Variants in KSR2 observed in about 807,000 individuals in gnomAD.
The protein encoded by KSR2 is kinase suppressor of ras 2.
Under a neutral mutation model 107.8 loss-of-function variants are expected in KSR2, and 25 were observed. That is an observed-to-expected ratio of 0.23 (90% CI 0.17 to 0.32). The LOEUF (loss-of-function observed/expected upper bound fraction) is 0.32, where lower values mean the gene tolerates loss of function less well. KSR2 is among the 10% of genes least tolerant of loss of function. The pLI, the probability that KSR2 is intolerant of heterozygous loss-of-function variation, is 1.00. For synonymous variants in KSR2, 480 were observed against 507.0 expected (o/e 0.95, Z 0.71); for missense variants, 887 against 1,268.9 (o/e 0.70, Z 4.57).
chr12:117,787,944 C>T (rs111282166), intron 3 of KSR2, among the ~76,000 whole-genome samples: 130 of 152,230 alleles, frequency 8.5e-4, no homozygotes, highest in African/African-American at 3.0e-3. Flanking sequence ...TGAAACTGTA[C>T]GTGGGAAATA....
chr12:117,693,818 G>A (rs1885933394), intron 4 of KSR2, among the ~76,000 whole-genome samples: 1 of 152,130 alleles, frequency 6.6e-6, no homozygotes. Context: ...GGCTCACAGG[G>A]GAGACTCATT....
At chr12:117,759,465 T>A (rs545837918) in intron 4 of KSR2, among the ~76,000 whole-genome samples, 1 of 152,252 alleles carries the variant, frequency 6.6e-6, no homozygotes, top group Non-Finnish European at 1.5e-5. Context: ...CCTGCCTTTT[T>A]AAAATGGTGA....
chr12:117,506,080 A>G (rs1170541790), intron 14 of KSR2, among the ~76,000 whole-genome samples: 1 of 152,220 alleles, frequency 6.6e-6, no homozygotes, highest in Non-Finnish European at 1.5e-5. Flanking sequence ...GAATGACTGG[A>G]CAAGTGAATG....
chr12:117,683,311 C>CAGGT (rs1189629916), intron 4 of KSR2, among the ~76,000 whole-genome samples: 1 of 151,816 alleles, frequency 6.6e-6, no homozygotes. Context: ...CATTAAATAA[C>CAGGT]AGAGTCAACT....
chr12:117,935,023 T>C (rs1346062515), intron 1 of KSR2, among the ~76,000 whole-genome samples: 2 of 151,870 alleles, frequency 1.3e-5, no homozygotes, highest in Non-Finnish European at 2.9e-5. Flanking sequence ...AGACAGGCTC[T>C]TGCTACCTTG....
chr12:117,480,917 C>G (rs530292219), intron 16 of KSR2, among the ~76,000 whole-genome samples: 2 of 152,208 alleles, frequency 1.3e-5, no homozygotes, highest in Admixed American at 6.5e-5. Flanking sequence ...TAAAGCCCAG[C>G]TGGGCATGGT....
At chr12:117,921,824 T>C (rs1218177414) in intron 1 of KSR2, among the ~76,000 whole-genome samples, 1 of 152,106 alleles carries the variant, frequency 6.6e-6, no homozygotes, top group Non-Finnish European at 1.5e-5. Context: ...CCGGATAATA[T>C]CAGAATGTAC....
At chr12:117,901,957 T>C (rs927109864) in intron 1 of KSR2, among the ~76,000 whole-genome samples, 2 of 152,178 alleles carry the variant, frequency 1.3e-5, no homozygotes, top group African/African-American at 4.8e-5. Context: ...ATTTTTTCTT[T>C]GGCCTCGTGA....
At chr12:117,503,773 T>C (rs896141790) in intron 14 of KSR2, among the ~76,000 whole-genome samples, 1 of 152,160 alleles carries the variant, frequency 6.6e-6, no homozygotes, top group Non-Finnish European at 1.5e-5. Context: ...TTATGGTTGA[T>C]TGATAGACCC....
At chr12:117,805,003 C>CTCTAA (rs1267622894) in intron 3 of KSR2, among the ~76,000 whole-genome samples, 1 of 152,144 alleles carries the variant, frequency 6.6e-6, no homozygotes, top group East Asian at 1.9e-4. Context: ...AACTCCTGGG[C>CTCTAA]TCTAAGTAGG....
chr12:117,565,235 A>G (rs936100964), intron 7 of KSR2, among the ~76,000 whole-genome samples: 1 of 152,184 alleles, frequency 6.6e-6, no homozygotes, highest in Non-Finnish European at 1.5e-5. Context: ...GATTCTAACC[A>G]ACGGATGAAA....
intron 1 of KSR2, among the ~76,000 whole-genome samples, chr12:117,893,342 T>G (rs1284948343): frequency 6.6e-6 from 1 of 152,168 alleles, no homozygotes; most frequent in Non-Finnish European, 1.5e-5. Flanking sequence ...TAAAAATGTC[T>G]TTTCAAAAAA....
At chr12:117,610,923 C>T (rs1025001970) in intron 5 of KSR2, among the ~76,000 whole-genome samples, 1 of 152,026 alleles carries the variant, frequency 6.6e-6, no homozygotes, top group Non-Finnish European at 1.5e-5. Flanking sequence ...TCTAGTGAAA[C>T]TACTTCTGCA....
At chr12:117,749,336 C>G (rs935689422) in intron 4 of KSR2, among the ~76,000 whole-genome samples, 1 of 151,710 alleles carries the variant, frequency 6.6e-6, no homozygotes, top group African/African-American at 2.4e-5. Context: ...GACTTATTTG[C>G]AGTCACAAGG....
intron 1 of KSR2, among the ~76,000 whole-genome samples, chr12:117,874,434 T>A (rs549749834): frequency 1.4e-4 from 22 of 152,264 alleles, no homozygotes; most frequent in African/African-American, 5.1e-4. Context: ...AGTCTTGCTA[T>A]GTTGCCCAGG....
chr12:117,860,322 C>T lies in KSR2; in HGVS notation c.290G>A (p.Arg97Gln), dbSNP rs754794838. The T allele has an allele frequency of 3.1e-6, 5 of 1,613,728 alleles. No individual in the cohort carries two copies. The highest frequency in any genetic ancestry group is 2.5e-6 in the Non-Finnish European group (3 of 1,179,714). ...DGFPQLRHWF[R>Q]IVDVRKEVLE... ...GACCTCCTTGCGCACATCGACGATT[C>T]GGAACCAGTGCCGTAGCTGGGGGAA... The change falls in exon 2 of 20, where the codon CGA (arginine) becomes CAA (glutamine). Residue 97 changes from arginine to glutamine, a missense_variant. By Grantham distance (43) the Arg-to-Gln change is conservative (BLOSUM62 1). Coordinates refer to ENST00000339824, the MANE Select transcript of KSR2 (RefSeq NM_173598.6).
chr12:117,576,314 A>G lies in KSR2; in HGVS notation c.1325+2805T>C, dbSNP rs1042390877. 3.7e-4 allele frequency among the ~76,000 whole-genome samples: 56 copies of G among 152,122 alleles called. 1 individual carries two copies. The highest frequency in any genetic ancestry group is 2.9e-3 in the Admixed American group (45 of 15,276). On this transcript the variant is annotated intron_variant, in intron 7 of 19. Transcript: ENST00000339824. ...TAGATACAGATGAGTCTGTATCTTCAGACTTCAGAGCTGCTGGTGTATGGA... is the reference window on the plus strand; with the variant it reads ...TAGATACAGATGAGTCTGTATCTTCGGACTTCAGAGCTGCTGGTGTATGGA...
intron 4 of KSR2, among the ~76,000 whole-genome samples, chr12:117,733,333 G>A (rs630460): frequency 0.2 from 30,495 of 151,940 alleles, 3,771 homozygotes; most frequent in South Asian, 0.29. Context: ...TCTATCTCCC[G>A]GGCCATGATG....
chr12:117,872,855 C>T (rs533532842), intron 1 of KSR2, among the ~76,000 whole-genome samples: 5 of 152,252 alleles, frequency 3.3e-5, no homozygotes, highest in East Asian at 1.9e-4. Flanking sequence ...GGGCTGTGGG[C>T]TCATTTGTAC....
Sources: gnomAD v4.1 joint callset for allele counts (sites outside exome capture counted in the v4.1 genomes callset) on GRCh38, gnomAD v4.1.1 for gene constraint, MANE v1.5 for transcripts, NCBI Gene and HGNC (gene_info 2026-07-23, HGNC 2026-07-21) for gene names.